GET4: variants seen among roughly 807,000 people sequenced by gnomAD.
GET4 encodes the protein guided entry of tail-anchored proteins factor 4, also known as Golgi to ER traffic protein 4 homolog.
Under a neutral mutation model 40.0 loss-of-function variants are expected in GET4, and 20 were observed. That is an observed-to-expected ratio of 0.50 (90% CI 0.35 to 0.73). The LOEUF (loss-of-function observed/expected upper bound fraction) is 0.73. GET4 is among the 30% of genes least tolerant of loss of function. The pLI is 0.01. For missense variants in GET4, 557 were observed against 454.0 expected (o/e 1.23, Z -2.06); for synonymous variants, 280 against 194.6 (o/e 1.44, Z -3.65).
Position 887,406 on chromosome 7 carries a change from A to C in GET4, c.353A>C (p.Asn118Thr), listed in dbSNP as rs545990644. ...LAKVFSLMDP[N>T]SPERVTFVSR... ...AAAGTGTTCAGCCTGATGGACCCCA[A>C]CTCTCCTGAGCGCGTGACCTTTGTG... is the stretch of plus-strand genomic sequence containing the variant. Residue 118 changes from asparagine (N) to threonine (T), a missense_variant, in exon 4 of 9, where the codon AAC becomes ACC. Transcript: ENST00000265857. 3 of 1,599,948 alleles carry C rather than the reference A, an allele frequency of 1.9e-6. No individual in the cohort carries two copies. Among genetic ancestry groups the C allele is most frequent in the Non-Finnish European group, 2.6e-6 (3 of 1,171,410 alleles).
rs112352294 is a variant in GET4, at chr7:892,465, T to C, written c.746+47T>C. ...GGGGAGGGGGCTGTGAATGTGCGGG[T>C]TGTGTGTAGACGTGGTGTGGATAGC... On this transcript the variant is annotated intron_variant, in intron 6 of 8. Transcript: ENST00000265857. 1.3e-3 allele frequency: 1,974 copies of C among 1,572,836 alleles called. 22 individuals are homozygous for C. The African/African-American group carries it at 0.022, about 18-fold the overall frequency.
intron 5 of GET4, among the ~76,000 whole-genome samples, chr7:891,422 G>C (rs983076721): frequency 1.3e-5 from 2 of 152,184 alleles, no homozygotes; most frequent in Admixed American, 1.3e-4. Flanking sequence ...CATCTACCCC[G>C]CGGCCCCTCC....
Position 895,707 on chromosome 7 carries a change from CCT to C in GET4, c.*286_*287del. On this transcript the variant is annotated 3_prime_UTR_variant, in exon 9 of 9. Coordinates refer to ENST00000265857, the MANE Select transcript of GET4 (RefSeq NM_015949.3). ...TACCGCGGCGTCACCCTCTCCCACT[CCT>C]TTGTTCTGGGTCCTTTCGGGAGGGC... The C allele has an allele frequency of 4.1e-6, 1 of 246,472 alleles. No individual in the cohort carries two copies. The highest frequency in any genetic ancestry group is 7.7e-5 in the East Asian group (1 of 13,028). 15.3% of individuals were successfully genotyped at this position (246,472 alleles called of 1,614,324 possible).
rs867678991 is a variant in GET4, at chr7:893,227, T to C, written c.747-513T>C. On this transcript the variant is annotated intron_variant, in intron 6 of 8. Coordinates refer to ENST00000265857, the MANE Select transcript of GET4 (RefSeq NM_015949.3). ...GGTGTGTGCAGGTGAGTGTTGGGCG[T>C]GGGCGTGGTGGTGTGTGCAGGTGAG... Among the ~76,000 whole-genome samples, 384 of 62,962 alleles carry C rather than the reference T, an allele frequency of 6.1e-3. 6 individuals are homozygous for C. The highest frequency in any genetic ancestry group is 0.014 in the African/African-American group (212 of 14,712). 41.3% of individuals were successfully genotyped at this position (62,962 alleles called of 152,430 possible). A position where few individuals can be genotyped will look rare whatever the true frequency, so the allele number is the denominator to read the frequency against.
At chr7:885,118 A>C (rs535279648) in intron 1 of GET4, 1 of 152,268 alleles carries the variant, frequency 6.6e-6, no homozygotes, top group Admixed American at 6.5e-5. Context: ...CTTTAACTAG[A>C]TTTATTTTTA....
chr7:894,937 G>A (rs1400518959), intron 8 of GET4, among the ~76,000 whole-genome samples: 1 of 152,116 alleles, frequency 6.6e-6, no homozygotes, highest in Non-Finnish European at 1.5e-5. Flanking sequence ...TCACTGTAGG[G>A]CGCAGTGTGC....
rs1196179204 is a variant in GET4 at position 893,769 on chromosome 7, G to A, written c.776G>A (p.Cys259Tyr). ...AAGCTGACGGTGTTCACTGTGCTGT[G>A]TGAGCAGTACCAGCCATCCCTCCGG... ...GGKLTVFTVL[C>Y]EQYQPSLRRD... Residue 259 changes from cysteine (C) to tyrosine (Y), a missense_variant, in exon 7 of 9, where the codon TGT (cysteine) becomes TAT (tyrosine). Transcript: ENST00000265857. 1.2e-6 allele frequency: 2 copies of A among 1,610,832 alleles called. No homozygotes were observed. The highest frequency in any genetic ancestry group is 1.7e-6 in the Non-Finnish European group (2 of 1,178,084).
intron 8 of GET4, 45 bp from the exon 9 acceptor site, chr7:895,288 GT>G: frequency 1.0e-6 from 1 of 952,398 alleles, no homozygotes; most frequent in Non-Finnish European, 1.7e-6. Context: ...TTGGGGGCCT[GT>G]GGGAGGCTGC....
chr7:884,336 A>T lies in GET4; in HGVS notation c.156-1720A>T, dbSNP rs981305178. ...TCAGTCATGTCCCTGCAGGACTGGAACTAGGACGGCCGGTCACAGAGTCAG... is the reference window on the plus strand; with the variant it reads ...TCAGTCATGTCCCTGCAGGACTGGATCTAGGACGGCCGGTCACAGAGTCAG... On this transcript the variant is annotated intron_variant, in intron 1 of 8. Coordinates refer to ENST00000265857, the MANE Select transcript of GET4 (RefSeq NM_015949.3). 2.5e-5 allele frequency: 32 copies of T among 1,303,844 alleles called. No individual in the cohort carries two copies. In the Admixed American group the frequency reaches 7.3e-4, roughly 30 times the overall value. The allele number at this position is 1,303,844 out of a possible 1,614,324, so 80.8% of individuals were successfully genotyped here. A position where few individuals can be genotyped will look rare whatever the true frequency, so the allele number is the denominator to read the frequency against.
At chr7:885,682 G>T in intron 1 of GET4, 1 of 186,936 alleles carries the variant, frequency 5.3e-6, no homozygotes, top group Non-Finnish European at 1.1e-5. Context: ...GCTCCTGCCT[G>T]TGGCCACTCA....
rs1335039254 is a variant in GET4 at position 896,236 on chromosome 7, T to TTCTGTCAGATGCTAC, written c.*817_*831dup. 6.6e-6 allele frequency: 1 copy of TTCTGTCAGATGCTAC among 152,222 alleles called. No individual in the cohort carries two copies. Among genetic ancestry groups the TTCTGTCAGATGCTAC allele is most frequent in the Non-Finnish European group, 1.5e-5 (1 of 68,028 alleles). The allele number at this position is 152,222 out of a possible 1,614,324, so 9.4% of individuals were successfully genotyped here. A position where few individuals can be genotyped will look rare whatever the true frequency, so the allele number is the denominator to read the frequency against. On this transcript the variant is annotated 3_prime_UTR_variant, in exon 9 of 9. Transcript: ENST00000265857. Reference sequence around the variant, plus strand: ...ACCGGTCCAGGAGTGAGCAGCTCCGTTCTGTCAGATGCTACTCCAAATGTT... The same window carrying TTCTGTCAGATGCTAC: ...ACCGGTCCAGGAGTGAGCAGCTCCGTTCTGTCAGATGCTACTCTGTCAGATGCTACTCCAAATGTT...
rs1844453650 is a variant in GET4 at position 895,329 on chromosome 7, T to C, written c.896-5T>C. On this transcript the variant is annotated splice_region_variant and splice_polypyrimidine_tract_variant and intron_variant, in intron 8 of 8. Coordinates refer to ENST00000265857, the MANE Select transcript of GET4 (RefSeq NM_015949.3). ...GCGTGACTGCCACGGTGTTCTTCTT[T>C]CCAGGGAACCTTCTGACCAGCCTCA... 2 of 1,516,806 alleles carry C rather than the reference T, an allele frequency of 1.3e-6. No homozygotes were observed. Among genetic ancestry groups the C allele is most frequent in the Non-Finnish European group, 1.8e-6 (2 of 1,097,928 alleles). 94.0% of individuals were successfully genotyped at this position (1,516,806 alleles called of 1,614,324 possible). A position where few individuals can be genotyped will look rare whatever the true frequency, so the allele number is the denominator to read the frequency against.
chr7:887,267 C>A, intron 3 of GET4, 103 bp from the exon 4 acceptor site: 2 of 1,183,850 alleles, frequency 1.7e-6, no homozygotes. Flanking sequence ...GGTTCCTCTC[C>A]CTGTTAAGTA....
intron 8 of GET4, among the ~76,000 whole-genome samples, chr7:894,466 G>C (rs1483292673): frequency 1.3e-5 from 2 of 152,176 alleles, no homozygotes. Context: ...TTATTTTAGT[G>C]GGAGGTGTGA....
Position 886,053 on chromosome 7 carries a change from C to G in GET4, c.156-3C>G. ...GTGGCTCACGGTCTCCTCTCTGTGGCAGGTACATGTCCCAGAGCAAGCACA... is the reference window on the plus strand; with the variant it reads ...GTGGCTCACGGTCTCCTCTCTGTGGGAGGTACATGTCCCAGAGCAAGCACA... On this transcript the variant is annotated splice_polypyrimidine_tract_variant and splice_region_variant and intron_variant, in intron 1 of 8. Transcript: ENST00000265857. 6.3e-7 allele frequency: 1 copy of G among 1,586,314 alleles called. No individual in the cohort carries two copies. Among genetic ancestry groups the G allele is most frequent in the Non-Finnish European group, 8.6e-7 (1 of 1,156,280 alleles).
chr7:896,323 T>C lies in GET4; in HGVS notation c.*901T>C, dbSNP rs774843031. On this transcript the variant is annotated 3_prime_UTR_variant, in exon 9 of 9. Transcript: ENST00000265857. Reference sequence around the variant, plus strand: ...TTCACAGTTAAATGACAGTTGTAGATTGATACGCAGTTGTGCATGGGAAGG... The same window carrying C: ...TTCACAGTTAAATGACAGTTGTAGACTGATACGCAGTTGTGCATGGGAAGG... 1 of 152,212 alleles carries C rather than the reference T, an allele frequency of 6.6e-6. No homozygotes were observed. The highest frequency in any genetic ancestry group is 1.5e-5 in the Non-Finnish European group (1 of 68,036). The allele number at this position is 152,212 out of a possible 1,614,324, so 9.4% of individuals were successfully genotyped here. A position where few individuals can be genotyped will look rare whatever the true frequency, so the allele number is the denominator to read the frequency against.
At chr7:883,544 G>A in intron 1 of GET4, 2 of 985,376 alleles carry the variant, frequency 2.0e-6, no homozygotes, top group Non-Finnish European at 2.4e-6. Flanking sequence ...GGATACAGAT[G>A]TTTTGGCCGG....
intron 3 of GET4, chr7:887,068 G>A: frequency 1.6e-6 from 1 of 607,624 alleles, no homozygotes; most frequent in Non-Finnish European, 3.1e-6. Flanking sequence ...GATGCCCCGG[G>A]CCAGAGCCAG....
At position 876,774 on chromosome 7, in the gene GET4, C is replaced by A; in HGVS notation, c.129C>A (p.His43Gln). 1 of 1,329,448 alleles carries A rather than the reference C, an allele frequency of 7.5e-7. No individual in the cohort carries two copies. Among genetic ancestry groups the A allele is most frequent in the Non-Finnish European group, 9.8e-7 (1 of 1,024,956 alleles). 82.4% of individuals were successfully genotyped at this position (1,329,448 alleles called of 1,614,324 possible). A position where few individuals can be genotyped will look rare whatever the true frequency, so the allele number is the denominator to read the frequency against. Residue 43 changes from histidine (H) to glutamine (Q), a missense_variant, in exon 1 of 9, where the codon CAC (histidine) becomes CAA (glutamine). Physicochemically the swap from His to Gln is conservative, Grantham distance 24. Transcript: ENST00000265857. ...SVEKGDYYEA[H>Q]QMYRTLFFRY... ...AGAAGGGCGACTACTACGAGGCGCA[C>A]CAGATGTACCGGACCCTGTTCTTCA...
Sources: allele counts gnomAD v4.1 joint callset (sites outside exome capture counted in the v4.1 genomes callset), GRCh38; gene constraint gnomAD v4.1.1; transcripts MANE v1.5; gene names NCBI Gene and HGNC (gene_info 2026-07-23, HGNC 2026-07-21).